PDZD2: variants seen among roughly 807,000 people sequenced by gnomAD.
PDZD2 encodes PDZ domain containing 2.
Under a neutral mutation model 220.7 loss-of-function variants are expected in PDZD2, and 90 were observed. The ratio of observed to expected loss-of-function variants is 0.41; its 90% confidence interval spans 0.34 to 0.49. PDZD2 has a LOEUF of 0.49. PDZD2 is among the 20% of genes least tolerant of loss of function. PDZD2 has a pLI of 0.28. For synonymous variants in PDZD2, 1,375 were observed against 1,450.5 expected (o/e 0.95, Z 1.18); for missense variants, 3,174 against 3,608.5 (o/e 0.88, Z 3.08).
rs552440868 is a variant in PDZD2, at chr5:32,071,490, A to C, written c.2568+72A>C. On this transcript the variant is annotated intron_variant, in intron 16 of 24. Transcript: ENST00000438447. ...ACTAATTCCTGGAGCCCACAAGTCA[A>C]GCCGGAGGGCCCAGTCCCTGTTTCT... 4.8e-5 allele frequency: 57 copies of C among 1,190,198 alleles called. No homozygotes were observed. The South Asian group carries it at 6.9e-4, about 14-fold the overall frequency. The allele number at this position is 1,190,198 out of a possible 1,614,324, so 73.7% of individuals were successfully genotyped here.
chr5:32,011,582 T>G (rs1449145707), intron 6 of PDZD2, among the ~76,000 whole-genome samples: 1 of 152,126 alleles, frequency 6.6e-6, no homozygotes, highest in Non-Finnish European at 1.5e-5. Flanking sequence ...TGTGAACTCT[T>G]ATTAGCCCTT....
At chr5:31,782,028 G>A (rs1580744919) in intron 1 of PDZD2, among the ~76,000 whole-genome samples, 1 of 152,182 alleles carries the variant, frequency 6.6e-6, no homozygotes, top group Non-Finnish European at 1.5e-5. Context: ...CCGGCACAGT[G>A]TGGGTGGCCG....
intron 2 of PDZD2, among the ~76,000 whole-genome samples, chr5:31,836,213 T>G (rs1489916703): frequency 6.8e-6 from 1 of 146,772 alleles, no homozygotes; most frequent in Non-Finnish European, 1.5e-5. Flanking sequence ...TATAAACCAA[T>G]AGTAATTTTA....
intron 2 of PDZD2, among the ~76,000 whole-genome samples, chr5:31,857,093 C>T (rs749363236): frequency 2.0e-5 from 3 of 152,074 alleles, no homozygotes; most frequent in Non-Finnish European, 4.4e-5. Flanking sequence ...CTCAGCAAAC[C>T]TCCTGCCTCA....
At chr5:31,751,183 G>A (rs370272404) in intron 1 of PDZD2, among the ~76,000 whole-genome samples, 7 of 151,114 alleles carry the variant, frequency 4.6e-5, no homozygotes, top group African/African-American at 1.7e-4. Context: ...GGAGATTGCA[G>A]TGAGCCAAGA....
intron 2 of PDZD2, among the ~76,000 whole-genome samples, chr5:31,911,764 G>C (rs539784211): frequency 2.0e-5 from 3 of 152,238 alleles, no homozygotes; most frequent in Admixed American, 1.3e-4. Flanking sequence ...TGCTGCCTCC[G>C]CTGGCTGCTG....
chr5:31,847,324 G>A, intron 2 of PDZD2: 1 of 359,532 alleles, frequency 2.8e-6, no homozygotes, highest in Non-Finnish European at 5.3e-6. Flanking sequence ...GATACAAAAT[G>A]AAATTTAGAA....
chr5:31,760,457 A>G (rs568268711), intron 1 of PDZD2, among the ~76,000 whole-genome samples: 5 of 152,360 alleles, frequency 3.3e-5, no homozygotes, highest in African/African-American at 9.6e-5. Flanking sequence ...TGCCTAGGTT[A>G]TCATGGAGAT....
intron 2 of PDZD2, among the ~76,000 whole-genome samples, chr5:31,870,698 G>A (rs1204121315): frequency 1.4e-4 from 21 of 152,082 alleles, no homozygotes; most frequent in Admixed American, 1.4e-3. Flanking sequence ...GACCAGCCTG[G>A]CCAACATGGT....
chr5:31,862,361 C>T (rs1395861182), intron 2 of PDZD2, among the ~76,000 whole-genome samples: 1 of 151,940 alleles, frequency 6.6e-6, no homozygotes, highest in Non-Finnish European at 1.5e-5. Flanking sequence ...GTCTCGGCCT[C>T]CCAAAGTGCT....
rs544827060 is a variant in PDZD2 at position 31,719,498 on chromosome 5, T to A, written c.-360-79391T>A. ...AAGTTTCTGAGTGACAGCTTGAAAC[T>A]GACAAAACTCCTTGTACTAAATAAA... On this transcript the variant is annotated intron_variant, in intron 1 of 24. Coordinates refer to ENST00000438447, the MANE Select transcript of PDZD2 (RefSeq NM_178140.4). Among the ~76,000 whole-genome samples, 3 of 152,210 alleles carry A rather than the reference T, an allele frequency of 2.0e-5. 1 individual carries two copies. The highest frequency in any genetic ancestry group is 2.0e-4 in the Admixed American group (3 of 15,290).
intron 2 of PDZD2, among the ~76,000 whole-genome samples, chr5:31,813,375 G>A (rs1331734710): frequency 1.3e-5 from 2 of 149,938 alleles, no homozygotes; most frequent in South Asian, 2.1e-4. Flanking sequence ...GCGTGAACCC[G>A]GGAGGTGGAG....
intron 2 of PDZD2, among the ~76,000 whole-genome samples, chr5:31,844,664 G>A (rs1757495247): frequency 6.6e-6 from 1 of 152,152 alleles, no homozygotes; most frequent in Non-Finnish European, 1.5e-5. Flanking sequence ...GGCAGTGTTA[G>A]TATAAACCTG....
rs1209699067 is a variant in PDZD2, at chr5:31,639,151, C to T, written c.-647C>T. Among the ~76,000 whole-genome samples, 1 of 152,074 alleles carries T rather than the reference C, an allele frequency of 6.6e-6. No individual in the cohort carries two copies. The highest frequency in any genetic ancestry group is 6.5e-5 in the Admixed American group (1 of 15,280). Reference sequence around the variant, plus strand: ...TCCTGGAGGCTCGGCGGATCCCCTGCGCAGCGAGGCGAGGAGCGGACCCCA... The same window carrying T: ...TCCTGGAGGCTCGGCGGATCCCCTGTGCAGCGAGGCGAGGAGCGGACCCCA... On this transcript the variant is annotated 5_prime_UTR_variant, in exon 1 of 25. Coordinates refer to ENST00000438447, the MANE Select transcript of PDZD2 (RefSeq NM_178140.4). The surrounding 1 kb of genome is among the most constrained non-coding windows in gnomAD (Gnocchi z 4.1).
intron 2 of PDZD2, among the ~76,000 whole-genome samples, chr5:31,941,713 A>T (rs992718308): frequency 6.6e-6 from 1 of 152,216 alleles, no homozygotes; most frequent in African/African-American, 2.4e-5. Flanking sequence ...TGCTGTTTTC[A>T]TACTGCTGAG....
Position 32,048,526 on chromosome 5 carries a change from C to T in PDZD2, c.1520-13C>T, listed in dbSNP as rs1191025909. 6.2e-7 allele frequency: 1 copy of T among 1,611,056 alleles called. No homozygotes were observed. ...CCCATATCAAACTATGTTTTCTCCT[C>T]TGTTTTCTCAAGGGGGTGTACACCG... On this transcript the variant is annotated splice_polypyrimidine_tract_variant and intron_variant, in intron 7 of 24. Coordinates refer to ENST00000438447, the MANE Select transcript of PDZD2 (RefSeq NM_178140.4).
chr5:32,091,707 T>C (rs186749550), intron 20 of PDZD2, among the ~76,000 whole-genome samples: 7 of 152,344 alleles, frequency 4.6e-5, no homozygotes, highest in Admixed American at 1.3e-4. Context: ...GCTGAATAAA[T>C]TCTGCTAATA....
intron 17 of PDZD2, among the ~76,000 whole-genome samples, chr5:32,072,628 G>T (rs1581424084): frequency 1.3e-5 from 2 of 152,320 alleles, no homozygotes; most frequent in South Asian, 4.2e-4. Flanking sequence ...CTACTTGGGA[G>T]GCTGAGTGGG....
At chr5:31,909,800 G>C (rs1340588335) in intron 2 of PDZD2, among the ~76,000 whole-genome samples, 1 of 152,046 alleles carries the variant, frequency 6.6e-6, no homozygotes, top group Non-Finnish European at 1.5e-5. Flanking sequence ...AATAATCAGA[G>C]CCAAATTTTG....
Sources: allele counts gnomAD v4.1 joint callset (sites outside exome capture counted in the v4.1 genomes callset), GRCh38; gene constraint gnomAD v4.1.1; non-coding constraint Gnocchi (gnomAD v3.1); transcripts MANE v1.5; gene names NCBI Gene and HGNC (gene_info 2026-07-23, HGNC 2026-07-21).